Variants in DLGAP4 observed in about 807,000 individuals in gnomAD.
DLGAP4 encodes the protein DLG associated protein 4, also known as disks large-associated protein 4.
In DLGAP4, 18 loss-of-function variants were observed where a neutral mutation model predicts 86.9. The ratio of observed to expected loss-of-function variants is 0.21; its 90% CI spans 0.14 to 0.31. The LOEUF (loss-of-function observed/expected upper bound fraction) is 0.31, where lower values mean the gene tolerates loss of function less well. Among genes scored for constraint, DLGAP4 ranks in the 10% least tolerant of loss-of-function variants. The pLI is 1.00. For synonymous variants in DLGAP4, 548 were observed against 574.3 expected (o/e 0.95, Z 0.65); for missense variants, 1,085 against 1,362.6 (o/e 0.80, Z 3.21).
intron 1 of DLGAP4, among the ~76,000 whole-genome samples, chr20:36,358,065 A>T (rs1053511711): frequency 6.6e-6 from 1 of 152,186 alleles, no homozygotes; most frequent in Non-Finnish European, 1.5e-5. Context: ...CTCTGCTGTC[A>T]CTGGCTGTAT....
chr20:36,485,883 C>T (rs1464156208), intron 7 of DLGAP4, among the ~76,000 whole-genome samples: 1 of 152,192 alleles, frequency 6.6e-6, no homozygotes, highest in Non-Finnish European at 1.5e-5. Context: ...CACACACTTT[C>T]CATTGCTCCG....
At chr20:36,427,058 C>T (rs748949731) in intron 2 of DLGAP4, among the ~76,000 whole-genome samples, 2 of 151,858 alleles carry the variant, frequency 1.3e-5, no homozygotes, top group Non-Finnish European at 2.9e-5. Context: ...TGGGCATGTA[C>T]CTATAGTCTC....
intron 2 of DLGAP4, among the ~76,000 whole-genome samples, chr20:36,385,482 A>C (rs1460878687): frequency 1.3e-5 from 2 of 152,180 alleles, no homozygotes; most frequent in Non-Finnish European, 2.9e-5. Flanking sequence ...AGCAAGAAGC[A>C]AAAGTGCAAA....
At chr20:36,359,483 G>A (rs1322072999) in intron 1 of DLGAP4, among the ~76,000 whole-genome samples, 2 of 152,090 alleles carry the variant, frequency 1.3e-5, no homozygotes, top group African/African-American at 2.4e-5. Context: ...TGATCCTTCC[G>A]CAGGGGCTTC....
intron 2 of DLGAP4, among the ~76,000 whole-genome samples, chr20:36,376,226 C>A (rs868201059): frequency 2.8e-4 from 43 of 152,014 alleles, no homozygotes; most frequent in Middle Eastern, 6.8e-3. Context: ...GCCTGTAATC[C>A]CGGCACTTTG....
intron 2 of DLGAP4, among the ~76,000 whole-genome samples, chr20:36,396,305 C>T: frequency 6.7e-6 from 1 of 148,964 alleles, no homozygotes; most frequent in Non-Finnish European, 1.5e-5. Context: ...ATCCCAAACC[C>T]CTCACCCAGA....
chr20:36,336,119 G>A (rs1359036891), intron 1 of DLGAP4, among the ~76,000 whole-genome samples: 4 of 152,052 alleles, frequency 2.6e-5, no homozygotes, highest in African/African-American at 4.8e-5. Context: ...CCTGAGCTGC[G>A]GGGCACCTCC....
chr20:36,441,586 C>T (rs2033448722), intron 5 of DLGAP4, among the ~76,000 whole-genome samples: 1 of 152,200 alleles, frequency 6.6e-6, no homozygotes, highest in Non-Finnish European at 1.5e-5. Flanking sequence ...TGTCTTGTTC[C>T]CTGCAGTGTC....
In DLGAP4 at chr20:36,431,016, G is replaced by A. The variant is rs2033115038; in HGVS notation, c.-72-630G>A. ...TAAAAGTCCATGTTTTTCCCCATAA[G>A]GCAAGGAGAGTTCAGGAGCCCTGGG... On this transcript the variant is annotated intron_variant, in intron 2 of 12. Coordinates refer to ENST00000339266, the MANE Select transcript of DLGAP4 (RefSeq NM_001365621.2). The surrounding 1 kb of genome is among the most constrained non-coding windows in gnomAD (Gnocchi z 5.1). 6.6e-6 allele frequency among the ~76,000 whole-genome samples: 1 copy of A among 151,282 alleles called. No individual in the cohort carries two copies. Among genetic ancestry groups the A allele is most frequent in the East Asian group, 1.9e-4 (1 of 5,158 alleles).
intron 7 of DLGAP4, chr20:36,461,772 CGCTT>C: frequency 2.2e-6 from 2 of 925,540 alleles, no homozygotes; most frequent in Non-Finnish European, 2.6e-6. Flanking sequence ...CGCCCGCCCG[CGCTT>C]CCGTCCTGTC....
rs147535245 is a variant in DLGAP4 at position 36,358,545 on chromosome 20, G to A, written c.-303-8500G>A. Among the ~76,000 whole-genome samples, 745 of 152,326 alleles carry A rather than the reference G, an allele frequency of 4.9e-3. 3 individuals carry two copies. Among genetic ancestry groups the A allele is most frequent in the African/African-American group, 0.017 (692 of 41,572 alleles). ...AACTTGGCTGGGCGCAGTGGCTCAC[G>A]CCTATAATCCCAGCACTTTGGGAGA... On this transcript the variant is annotated intron_variant, in intron 1 of 12. Coordinates refer to ENST00000339266, the MANE Select transcript of DLGAP4 (RefSeq NM_001365621.2).
intron 1 of DLGAP4, among the ~76,000 whole-genome samples, chr20:36,353,949 G>C (rs782054969): frequency 6.6e-6 from 1 of 152,200 alleles, no homozygotes; most frequent in Non-Finnish European, 1.5e-5. Context: ...AGCAAATGAG[G>C]GGCAGAAGTG....
intron 6 of DLGAP4, 138 bp from the exon 7 acceptor site, chr20:36,446,559 C>T: frequency 2.6e-6 from 2 of 759,722 alleles, no homozygotes; most frequent in Non-Finnish European, 4.3e-6. Flanking sequence ...ATCCCATACG[C>T]TGAGTGAGAT....
chr20:36,411,098 C>A lies in DLGAP4; in HGVS notation c.-72-20548C>A, dbSNP rs575756149. On this transcript the variant is annotated intron_variant, in intron 2 of 12. Transcript: ENST00000339266. ...CTCCGCCTCCTGGGTTCAAGCAATT[C>A]TCCTGCCTCATCCTCCAAGTAGCTG... Among the ~76,000 whole-genome samples, 14 of 152,312 alleles carry A rather than the reference C, an allele frequency of 9.2e-5. No homozygotes were observed. In the East Asian group the frequency reaches 1.3e-3, roughly 15 times the overall value.
chr20:36,512,931 C>CCTTTTTT (rs2036795196), intron 10 of DLGAP4, among the ~76,000 whole-genome samples: 1 of 23,530 alleles, frequency 4.2e-5, no homozygotes, highest in Non-Finnish European at 8.9e-5. Flanking sequence ...CTCAGAGGCC[C>CCTTTTTT]TTTTTTTTTT....
intron 2 of DLGAP4, among the ~76,000 whole-genome samples, chr20:36,394,888 C>T (rs1006557548): frequency 2.6e-5 from 4 of 152,170 alleles, no homozygotes; most frequent in African/African-American, 4.8e-5. Context: ...ACTGCCTGGG[C>T]GGGCACCTGA....
chr20:36,317,286 T>TTCTTC (rs1569452678), intron 1 of DLGAP4, among the ~76,000 whole-genome samples: 3 of 42,298 alleles, frequency 7.1e-5, no homozygotes, highest in Non-Finnish European at 1.0e-4. Context: ...TTATCTTTCT[T>TTCTTC]TCTTTCTTAT....
intron 7 of DLGAP4, among the ~76,000 whole-genome samples, chr20:36,460,120 T>C (rs2033984865): frequency 6.6e-6 from 1 of 152,206 alleles, no homozygotes; most frequent in Admixed American, 6.5e-5. Flanking sequence ...TATTTCATCT[T>C]ATGCTGTGTG....
intron 7 of DLGAP4, among the ~76,000 whole-genome samples, chr20:36,464,532 T>C (rs1054200187): frequency 6.6e-6 from 1 of 151,996 alleles, no homozygotes; most frequent in Non-Finnish European, 1.5e-5. Flanking sequence ...ATCATGCCAC[T>C]GCACTCCAGC....
Sources: allele counts gnomAD v4.1 joint callset (sites outside exome capture counted in the v4.1 genomes callset), GRCh38; gene constraint gnomAD v4.1.1; non-coding constraint Gnocchi (gnomAD v3.1); transcripts MANE v1.5; gene names NCBI Gene and HGNC (gene_info 2026-07-23, HGNC 2026-07-21).